MAML2: variants seen among roughly 807,000 people sequenced by gnomAD.
MAML2 encodes mastermind-like protein 2.
A neutral mutation model predicts 96.1 loss-of-function variants in MAML2; 22 were observed. The ratio of observed to expected loss-of-function variants is 0.23; its 90% CI spans 0.16 to 0.33. MAML2 has a LOEUF of 0.33. Among genes scored for constraint, MAML2 ranks in the 10% least tolerant of loss-of-function variants. The pLI, the probability that MAML2 is intolerant of heterozygous loss-of-function variation, is 1.00. For synonymous variants in MAML2, 561 were observed against 521.3 expected (o/e 1.08, Z -1.04); for missense variants, 1,367 against 1,392.4 (o/e 0.98, Z 0.29).
intron 1 of MAML2, among the ~76,000 whole-genome samples, chr11:96,197,256 T>TA (rs1284660021): frequency 1.3e-5 from 2 of 152,226 alleles, no homozygotes; most frequent in African/African-American, 2.4e-5. Flanking sequence ...AGCAATAGTC[T>TA]ATAGACCAAG....
chr11:96,162,414 G>C (rs1029070873), intron 1 of MAML2, among the ~76,000 whole-genome samples: 4 of 151,936 alleles, frequency 2.6e-5, no homozygotes, highest in Non-Finnish European at 5.9e-5. Flanking sequence ...TTAGGTATTA[G>C]AGGTTAATAA....
chr11:95,978,260 C>A lies in MAML2; in HGVS notation c.*688G>T. ...TGGATTCAGATATTCGTTGTGGAAG[C>A]CAAAATCAAATTGCACAGCTCTATA... On this transcript the variant is annotated 3_prime_UTR_variant, in exon 5 of 5. Coordinates refer to ENST00000524717, the MANE Select transcript of MAML2 (RefSeq NM_032427.4). 4.9e-6 allele frequency: 1 copy of A among 205,622 alleles called. No individual in the cohort carries two copies. The highest frequency in any genetic ancestry group is 1.0e-5 in the Non-Finnish European group (1 of 100,490). The allele number at this position is 205,622 out of a possible 1,614,324, so 12.7% of individuals were successfully genotyped here. A position where few individuals can be genotyped will look rare whatever the true frequency, so the allele number is the denominator to read the frequency against.
chr11:96,174,218 G>C (rs1215338574), intron 1 of MAML2, among the ~76,000 whole-genome samples: 1 of 152,066 alleles, frequency 6.6e-6, no homozygotes, highest in Non-Finnish European at 1.5e-5. Context: ...AGATCTAAAG[G>C]CTGCATGAAT....
intron 1 of MAML2, among the ~76,000 whole-genome samples, chr11:96,326,368 T>C (rs1240430296): frequency 6.6e-6 from 1 of 150,386 alleles, no homozygotes; most frequent in Admixed American, 6.6e-5. Flanking sequence ...CGTGTGTGTG[T>C]GTGTGTGTGT....
chr11:96,341,720 T>C lies in MAML2; in HGVS notation c.176A>G (p.Glu59Gly). The C allele has an allele frequency of 6.2e-7, 1 of 1,612,734 alleles. No homozygotes were observed. Among genetic ancestry groups the C allele is most frequent in the Non-Finnish European group, 8.5e-7 (1 of 1,179,454 alleles). ...QHHLSCEGRY[E>G]RGRAESSDRE... is the part of the protein sequence containing the mutation. ...GTCTGAGCTCTCGGCCCTACCTCGTTCATATCGTCCTTCACAGCTCAGGTG... is the reference window on the plus strand; with the variant it reads ...GTCTGAGCTCTCGGCCCTACCTCGTCCATATCGTCCTTCACAGCTCAGGTG... Residue 59 changes from glutamate to glycine, a missense_variant, in exon 1 of 5, where the codon GAA becomes GGA. Glu to Gly is a moderately conservative substitution (Grantham distance 98). Transcript: ENST00000524717.
At chr11:96,064,604 C>T (rs1006280398) in intron 2 of MAML2, among the ~76,000 whole-genome samples, 5 of 152,078 alleles carry the variant, frequency 3.3e-5, no homozygotes, top group Non-Finnish European at 5.9e-5. Context: ...TTCTTTTCTA[C>T]GAATAATAAA....
At chr11:96,221,490 A>C (rs538776259) in intron 1 of MAML2, among the ~76,000 whole-genome samples, 1 of 152,252 alleles carries the variant, frequency 6.6e-6, no homozygotes, top group East Asian at 1.9e-4. Flanking sequence ...GCTATACCCG[A>C]GGTTAGAGAC....
At chr11:96,267,135 C>T (rs1261042213) in intron 1 of MAML2, among the ~76,000 whole-genome samples, 1 of 152,124 alleles carries the variant, frequency 6.6e-6, no homozygotes, top group East Asian at 1.9e-4. Context: ...GCTACTTGGA[C>T]TTTCAGGGAA....
At chr11:96,091,827 C>A in intron 2 of MAML2, 65 bp downstream of exon 2, 1 of 1,546,070 alleles carries the variant, frequency 6.5e-7, no homozygotes, top group Admixed American at 1.9e-5. Context: ...TAATGGTAAC[C>A]ACAGCATAAA....
intron 1 of MAML2, among the ~76,000 whole-genome samples, chr11:96,303,470 G>A (rs7936433): frequency 0.24 from 36,303 of 152,008 alleles, 5,319 homozygotes; most frequent in African/African-American, 0.42. Flanking sequence ...CCATTATTCT[G>A]TGAGTTCTGA....
In MAML2 at chr11:95,977,927, T is replaced by C. The variant is rs925015671; in HGVS notation, c.*1021A>G. On this transcript the variant is annotated 3_prime_UTR_variant, in exon 5 of 5. Transcript: ENST00000524717. ...ACTGGTACTTGCCATCCCTGGTTCT[T>C]ATCTCCAACCAAAACATGATATTTT... The C allele has an allele frequency of 1.8e-5, 4 of 223,698 alleles. No homozygotes were observed. Among genetic ancestry groups the C allele is most frequent in the Non-Finnish European group, 2.7e-5 (3 of 112,126 alleles). 13.9% of individuals were successfully genotyped at this position (223,698 alleles called of 1,614,324 possible).
chr11:96,046,812 G>C (rs1858909443), intron 2 of MAML2, among the ~76,000 whole-genome samples: 1 of 152,156 alleles, frequency 6.6e-6, no homozygotes, highest in South Asian at 2.1e-4. Context: ...ATGGAATCTA[G>C]GTATCACCTC....
intron 1 of MAML2, among the ~76,000 whole-genome samples, chr11:96,250,655 G>A (rs1862569519): frequency 6.6e-6 from 1 of 152,184 alleles, no homozygotes; most frequent in African/African-American, 2.4e-5. Flanking sequence ...GGAGCATGAA[G>A]GAAGCTACTA....
At chr11:96,171,445 A>C (rs1416604051) in intron 1 of MAML2, among the ~76,000 whole-genome samples, 4 of 151,840 alleles carry the variant, frequency 2.6e-5, no homozygotes, top group Non-Finnish European at 5.9e-5. Context: ...TTCCCACTCC[A>C]CTCTGCAATC....
At chr11:96,324,374 AATACATGTT>A (rs1197944736) in intron 1 of MAML2, among the ~76,000 whole-genome samples, 4 of 152,244 alleles carry the variant, frequency 2.6e-5, no homozygotes, top group Admixed American at 2.6e-4. Context: ...ATAAACGCTT[AATACATGTT>A]ATTTTTTTTA....
chr11:96,013,689 C>T (rs966536068), intron 2 of MAML2, among the ~76,000 whole-genome samples: 6 of 152,206 alleles, frequency 3.9e-5, no homozygotes, highest in African/African-American at 1.2e-4. Flanking sequence ...AGCACTGGCG[C>T]CTGCAGGCCG....
intron 1 of MAML2, among the ~76,000 whole-genome samples, chr11:96,114,661 A>G (rs1860203941): frequency 6.6e-6 from 1 of 152,224 alleles, no homozygotes; most frequent in Non-Finnish European, 1.5e-5. Flanking sequence ...CTCACCATGA[A>G]AGGGAATTGT....
chr11:96,033,473 A>G (rs896727976), intron 2 of MAML2, among the ~76,000 whole-genome samples: 1 of 152,224 alleles, frequency 6.6e-6, no homozygotes, highest in Admixed American at 6.5e-5. Context: ...TGCTTAGGTA[A>G]TAGTTTCAAG....
chr11:96,087,769 A>T (rs1170037477), intron 2 of MAML2, among the ~76,000 whole-genome samples: 5 of 152,310 alleles, frequency 3.3e-5, no homozygotes, highest in Middle Eastern at 6.8e-3. Flanking sequence ...AAACTCTGGC[A>T]CCAGCCTAAT....
Sources: gnomAD v4.1 joint callset for allele counts (sites outside exome capture counted in the v4.1 genomes callset) on GRCh38, gnomAD v4.1.1 for gene constraint, MANE v1.5 for transcripts, NCBI Gene and HGNC (gene_info 2026-07-23, HGNC 2026-07-21) for gene names.